CCDC126: variants seen among roughly 807,000 people sequenced by gnomAD.
CCDC126 encodes the protein coiled-coil domain-containing protein 126.
CCDC126 carries 5 observed loss-of-function variants against 11.7 expected under a neutral mutation model. The observed-to-expected ratio is 0.43, with a 90% CI of 0.22 to 0.90. The LOEUF (loss-of-function observed/expected upper bound fraction) is 0.90, where lower values mean the gene tolerates loss of function less well. Ranked by LOEUF, CCDC126 falls within the 40% of genes least tolerant of loss-of-function variation. The pLI, the probability that CCDC126 is intolerant of heterozygous loss-of-function variation, is 0.27. For synonymous variants in CCDC126, 60 were observed against 61.9 expected (o/e 0.97, Z 0.14); for missense variants, 150 against 163.1 (o/e 0.92, Z 0.44).
chr7:23,622,799 A>G (rs1195047837), intron 3 of CCDC126: 5 of 463,308 alleles, frequency 1.1e-5, no homozygotes, highest in African/African-American at 8.0e-5. Flanking sequence ...AATGGTTGCC[A>G]GATGATTACA....
intron 3 of CCDC126, among the ~76,000 whole-genome samples, chr7:23,625,171 G>A (rs1288720716): frequency 2.0e-5 from 3 of 152,082 alleles, no homozygotes; most frequent in South Asian, 2.1e-4. Context: ...AATGTCTTTC[G>A]TTTACTTCCC....
At chr7:23,636,949 G>A (rs1783238347) in intron 3 of CCDC126, among the ~76,000 whole-genome samples, 1 of 63,744 alleles carries the variant, frequency 1.6e-5, no homozygotes. Context: ...GGAGGTGAGG[G>A]GCGCCTCTGC....
At chr7:23,612,241 G>C (rs1782723970) in intron 3 of CCDC126, among the ~76,000 whole-genome samples, 2 of 151,676 alleles carry the variant, frequency 1.3e-5, no homozygotes, top group South Asian at 4.2e-4. Flanking sequence ...AAGATTGCTG[G>C]AGCCCAGGAG....
At chr7:23,611,012 A>G (rs1442762263) in intron 2 of CCDC126, among the ~76,000 whole-genome samples, 159 bp from the exon 3 acceptor site, 1 of 152,214 alleles carries the variant, frequency 6.6e-6, no homozygotes, top group East Asian at 1.9e-4. Context: ...TACGTAAGTG[A>G]GACTGATAAA....
intron 3 of CCDC126, among the ~76,000 whole-genome samples, chr7:23,639,445 C>T (rs1001189230): frequency 1.3e-5 from 2 of 152,136 alleles, no homozygotes; most frequent in African/African-American, 4.8e-5. Flanking sequence ...CTCAAGTGAT[C>T]CATCCTGCCT....
chr7:23,634,740 C>T (rs908621521), intron 3 of CCDC126, among the ~76,000 whole-genome samples: 2 of 152,058 alleles, frequency 1.3e-5, no homozygotes, highest in Non-Finnish European at 2.9e-5. Flanking sequence ...TTTTCCCCTC[C>T]GTCTCTTCTT....
intron 2 of CCDC126, among the ~76,000 whole-genome samples, chr7:23,600,555 T>C (rs17779181): frequency 0.096 from 14,576 of 152,158 alleles, 854 homozygotes; most frequent in East Asian, 0.16. Flanking sequence ...CTGTGTCTTT[T>C]TGTAGTAAAT....
intron 2 of CCDC126, among the ~76,000 whole-genome samples, 181 bp from the exon 3 acceptor site, chr7:23,610,990 A>T (rs565371274): frequency 6.6e-6 from 1 of 152,240 alleles, no homozygotes; most frequent in South Asian, 2.1e-4. Flanking sequence ...TCTAGTTTAA[A>T]CTTTGAAAAG....
At chr7:23,608,820 G>A (rs1028441178) in intron 2 of CCDC126, among the ~76,000 whole-genome samples, 46 of 152,320 alleles carry the variant, frequency 3.0e-4, no homozygotes, top group Non-Finnish European at 4.4e-5. Context: ...TGGGAAACCA[G>A]AATTTTATTA....
chr7:23,627,569 G>GAA (rs561420673), intron 3 of CCDC126, among the ~76,000 whole-genome samples: 14 of 132,392 alleles, frequency 1.1e-4, no homozygotes, highest in Non-Finnish European at 1.6e-4. Context: ...CTCTGTCTCA[G>GAA]AAAAAAAAAA....
intron 3 of CCDC126, among the ~76,000 whole-genome samples, chr7:23,634,793 T>TA (rs918935641): frequency 5.0e-4 from 76 of 152,274 alleles, no homozygotes; most frequent in Non-Finnish European, 1.0e-4. Context: ...TTTGTAGTGT[T>TA]ACCTTCTGCC....
At position 23,611,568 on chromosome 7, in the gene CCDC126, G is replaced by C. The variant is rs1446154513; in HGVS notation, c.238+15G>C. 1.7e-5 allele frequency: 26 copies of C among 1,549,694 alleles called. No homozygotes were observed. Among genetic ancestry groups the C allele is most frequent in the Non-Finnish European group, 2.2e-5 (25 of 1,122,522 alleles). ...GGCAGGATATGGTAAGATAACCGTAGAATATTTCTAGTTTCCTCCAATCCC... is the reference window on the plus strand; with the variant it reads ...GGCAGGATATGGTAAGATAACCGTACAATATTTCTAGTTTCCTCCAATCCC... On this transcript the variant is annotated intron_variant, in intron 3 of 3. Coordinates refer to ENST00000307471, the MANE Select transcript of CCDC126 (RefSeq NM_138771.4).
At chr7:23,598,711 C>T (rs1404385062) in intron 2 of CCDC126, among the ~76,000 whole-genome samples, 1 of 152,228 alleles carries the variant, frequency 6.6e-6, no homozygotes, top group Non-Finnish European at 1.5e-5. Flanking sequence ...ATTTCTCACT[C>T]TAAAATGTGT....
intron 3 of CCDC126, among the ~76,000 whole-genome samples, chr7:23,627,045 T>A (rs1783026878): frequency 6.6e-6 from 1 of 152,222 alleles, no homozygotes; most frequent in Admixed American, 6.5e-5. Flanking sequence ...GAATACTTGC[T>A]CCAGCTTCAC....
At chr7:23,642,525 G>A (rs1783380440) in intron 3 of CCDC126, among the ~76,000 whole-genome samples, 1 of 152,064 alleles carries the variant, frequency 6.6e-6, no homozygotes, top group African/African-American at 2.4e-5. Flanking sequence ...CACTTTGGGA[G>A]GCCGAGGAGT....
At chr7:23,639,460 C>G (rs528888996) in intron 3 of CCDC126, among the ~76,000 whole-genome samples, 2 of 152,108 alleles carry the variant, frequency 1.3e-5, no homozygotes, top group Non-Finnish European at 2.9e-5. Flanking sequence ...CTGCCTCGGC[C>G]GCCCAAAGTG....
At chr7:23,603,171 T>C (rs1782569817) in intron 2 of CCDC126, among the ~76,000 whole-genome samples, 1 of 152,238 alleles carries the variant, frequency 6.6e-6, no homozygotes, top group Admixed American at 6.5e-5. Flanking sequence ...ACTTTGTGTT[T>C]ATCTTTGTTT....
At position 23,636,780 on chromosome 7, in the gene CCDC126, T is replaced by C. The variant is rs1228731336; in HGVS notation, c.239-6151T>C. Among the ~76,000 whole-genome samples, 6 of 55,650 alleles carry C rather than the reference T, an allele frequency of 1.1e-4. 1 individual carries two copies. Among genetic ancestry groups the C allele is most frequent in the Non-Finnish European group, 2.2e-4 (6 of 27,588 alleles). 36.5% of individuals were successfully genotyped at this position (55,650 alleles called of 152,430 possible). A position where few individuals can be genotyped will look rare whatever the true frequency, so the allele number is the denominator to read the frequency against. The stretch of plus-strand genomic sequence containing the variant: ...GTCCGGGAGGGAGGTGGGGGGGGGG[T>C]CAGCCCCCCGCCCGGCCAGCCGCCC... On this transcript the variant is annotated intron_variant, in intron 3 of 3. Transcript: ENST00000307471.
chr7:23,606,935 A>T (rs145088007), intron 2 of CCDC126, among the ~76,000 whole-genome samples: 1 of 151,936 alleles, frequency 6.6e-6, no homozygotes, highest in African/African-American at 2.4e-5. Context: ...TCTAAAAAAA[A>T]AAAAGTACAA....
Sources: allele counts gnomAD v4.1 joint callset (sites outside exome capture counted in the v4.1 genomes callset), GRCh38; gene constraint gnomAD v4.1.1; transcripts MANE v1.5; gene names NCBI Gene and HGNC (gene_info 2026-07-23, HGNC 2026-07-21).